ACOT13: variants seen among roughly 807,000 people sequenced by gnomAD.
ACOT13 encodes the protein acyl-coenzyme A thioesterase 13.
ACOT13 carries 10 observed loss-of-function variants against 11.8 expected under a neutral mutation model. That is an observed-to-expected ratio of 0.85 (90% CI 0.53 to 1.44). The LOEUF (loss-of-function observed/expected upper bound fraction) is 1.44. ACOT13 is among the 40% of genes most tolerant of loss of function. The probability of loss-of-function intolerance (pLI) is 0.00; values close to 1 mark genes in which losing one functional copy is unlikely to be tolerated. For synonymous variants in ACOT13, 53 were observed against 61.0 expected (o/e 0.87, Z 0.61); for missense variants, 172 against 174.1 (o/e 0.99, Z 0.07).
rs1460659916 is a variant in ACOT13, at chr6:24,702,229, G to C, written c.*614G>C. 6.6e-6 allele frequency: 1 copy of C among 152,556 alleles called. No individual in the cohort carries two copies. The highest frequency in any genetic ancestry group is 2.4e-5 in the African/African-American group (1 of 41,454). The allele number at this position is 152,556 out of a possible 1,614,324, so 9.5% of individuals were successfully genotyped here. A position where few individuals can be genotyped will look rare whatever the true frequency, so the allele number is the denominator to read the frequency against. ...GGGTTCAAGTGATTCTCCTGCCTCA[G>C]CCTCCCAAGTAGCTGGGACTATAGG... On this transcript the variant is annotated 3_prime_UTR_variant, in exon 3 of 3. Transcript: ENST00000230048.
At chr6:24,681,562 C>T (rs1778550403) in intron 1 of ACOT13, among the ~76,000 whole-genome samples, 1 of 73,790 alleles carries the variant, frequency 1.4e-5, no homozygotes, top group Non-Finnish European at 2.4e-5. Flanking sequence ...CTCTCTCCGT[C>T]TCTCCCTCTC....
At chr6:24,693,951 T>C (rs1400188363) in intron 1 of ACOT13, among the ~76,000 whole-genome samples, 3 of 152,172 alleles carry the variant, frequency 2.0e-5, no homozygotes, top group South Asian at 2.1e-4. Flanking sequence ...CTTGAACTAC[T>C]GACCTCAAGT....
rs1778948229 is a variant in ACOT13 at position 24,704,136 on chromosome 6, A to G, written c.*2521A>G. 6.6e-6 allele frequency: 1 copy of G among 152,210 alleles called. No individual in the cohort carries two copies. The highest frequency in any genetic ancestry group is 1.9e-4 in the East Asian group (1 of 5,200). 9.4% of individuals were successfully genotyped at this position (152,210 alleles called of 1,614,324 possible). ...GGTAATTTTACTCTAGTTATATGAA[A>G]TATTCTTGTACTTGGAACATATGCC... On this transcript the variant is annotated 3_prime_UTR_variant, in exon 3 of 3. Coordinates refer to ENST00000230048, the MANE Select transcript of ACOT13 (RefSeq NM_018473.4).
chr6:24,685,012 A>C (rs997991379), intron 1 of ACOT13, among the ~76,000 whole-genome samples: 7 of 152,186 alleles, frequency 4.6e-5, no homozygotes, highest in African/African-American at 1.7e-4. Flanking sequence ...CCCTGTCTCT[A>C]AAAAAAATTT....
At chr6:24,697,200 T>C (rs1325423023) in intron 1 of ACOT13, among the ~76,000 whole-genome samples, 2 of 152,278 alleles carry the variant, frequency 1.3e-5, no homozygotes, top group Non-Finnish European at 2.9e-5. Flanking sequence ...ATTTTATTGT[T>C]ACATTTACAC....
chr6:24,690,866 A>G (rs567169043), intron 1 of ACOT13, among the ~76,000 whole-genome samples: 29 of 152,300 alleles, frequency 1.9e-4, no homozygotes, highest in South Asian at 8.3e-4. Flanking sequence ...ATTTTCACTT[A>G]TCCTTCAAAG....
chr6:24,691,179 T>C (rs1778713073), intron 1 of ACOT13, among the ~76,000 whole-genome samples: 1 of 152,198 alleles, frequency 6.6e-6, no homozygotes, highest in Non-Finnish European at 1.5e-5. Context: ...CCACTAAATA[T>C]TGGGCATATT....
chr6:24,671,273 T>A (rs1249780571), intron 1 of ACOT13, among the ~76,000 whole-genome samples: 1 of 152,160 alleles, frequency 6.6e-6, no homozygotes, highest in Non-Finnish European at 1.5e-5. Flanking sequence ...GATGGAATAC[T>A]ATGCAGCCAT....
At chr6:24,673,900 A>G (rs1778402347) in intron 1 of ACOT13, among the ~76,000 whole-genome samples, 1 of 125,426 alleles carries the variant, frequency 8.0e-6, no homozygotes, top group African/African-American at 2.6e-5. Context: ...GACTAAATTT[A>G]CCATACAGTA....
intron 1 of ACOT13, among the ~76,000 whole-genome samples, chr6:24,689,136 G>A (rs1042300105): frequency 6.6e-6 from 1 of 151,600 alleles, no homozygotes; most frequent in African/African-American, 2.4e-5. Flanking sequence ...TCCAGCCTGG[G>A]CAACGAGAAA....
At chr6:24,679,971 C>T (rs369651608) in intron 1 of ACOT13, among the ~76,000 whole-genome samples, 97 of 152,228 alleles carry the variant, frequency 6.4e-4, no homozygotes, top group African/African-American at 2.2e-3. Flanking sequence ...GGGGCATAAT[C>T]GGGGAATATT....
intron 2 of ACOT13, among the ~76,000 whole-genome samples, chr6:24,699,948 A>T (rs1778866154): frequency 6.6e-6 from 1 of 152,226 alleles, no homozygotes; most frequent in Non-Finnish European, 1.5e-5. Context: ...CTTCAACAAA[A>T]ACTAGGACAT....
intron 1 of ACOT13, among the ~76,000 whole-genome samples, chr6:24,689,611 C>A (rs1014803740): frequency 6.6e-6 from 1 of 151,960 alleles, no homozygotes; most frequent in Non-Finnish European, 1.5e-5. Context: ...ATTTTGTATA[C>A]CCTGTGTATA....
intron 1 of ACOT13, among the ~76,000 whole-genome samples, chr6:24,686,444 C>T (rs553500290): frequency 3.5e-4 from 53 of 152,212 alleles, no homozygotes; most frequent in African/African-American, 1.2e-3. Flanking sequence ...GTGCTTGCTT[C>T]TGGTGAGGGC....
intron 1 of ACOT13, among the ~76,000 whole-genome samples, chr6:24,670,410 C>A (rs962876940): frequency 4.6e-5 from 7 of 152,196 alleles, no homozygotes; most frequent in Admixed American, 1.3e-4. Flanking sequence ...AAATGACATT[C>A]TTTACTTAGC....
chr6:24,700,816 A>G (rs2127629678), intron 2 of ACOT13: 1 of 152,290 alleles, frequency 6.6e-6, no homozygotes, highest in Middle Eastern at 3.4e-3. Context: ...TCCTTTTTAA[A>G]GGTTTCTTTC....
At chr6:24,685,578 C>T (rs1255818574) in intron 1 of ACOT13, among the ~76,000 whole-genome samples, 1 of 151,868 alleles carries the variant, frequency 6.6e-6, no homozygotes, top group Non-Finnish European at 1.5e-5. Context: ...GATCTCCTGA[C>T]CTCATGATCC....
intron 1 of ACOT13, among the ~76,000 whole-genome samples, chr6:24,675,177 T>A (rs1345522806): frequency 2.6e-5 from 4 of 152,200 alleles, no homozygotes; most frequent in Non-Finnish European, 5.9e-5. Context: ...TGGTGAATAG[T>A]GCTGCAGTAA....
At position 24,689,409 on chromosome 6, in the gene ACOT13, C is replaced by T. The variant is rs1025151236; in HGVS notation, c.82-8474C>T. On this transcript the variant is annotated intron_variant, in intron 1 of 2. Transcript: ENST00000230048. ...GCCTTCTCCTTTTGGGTCACTTAAG[C>T]CCAGGAGTTTGAGTCCAGCCTGGGC... 4.6e-5 allele frequency among the ~76,000 whole-genome samples: 7 copies of T among 151,858 alleles called. No homozygotes were observed. The East Asian group carries it at 1.2e-3, about 25-fold the overall frequency.
Sources: allele counts gnomAD v4.1 joint callset (sites outside exome capture counted in the v4.1 genomes callset), GRCh38; gene constraint gnomAD v4.1.1; transcripts MANE v1.5; gene names NCBI Gene and HGNC (gene_info 2026-07-23, HGNC 2026-07-21).